MCM8: variants seen among roughly 807,000 people sequenced by gnomAD.
MCM8 encodes the protein DNA helicase MCM8.
MCM8 carries 85 observed loss-of-function variants against 98.9 expected under a neutral mutation model. The ratio of observed to expected loss-of-function variants is 0.86; its 90% CI spans 0.72 to 1.03. The LOEUF (loss-of-function observed/expected upper bound fraction) is 1.03, where lower values mean the gene tolerates loss of function less well. MCM8 is among the 50% of genes least tolerant of loss of function. MCM8 has a pLI of 0.00. For synonymous variants in MCM8, 352 were observed against 338.6 expected (o/e 1.04, Z -0.44); for missense variants, 951 against 997.8 (o/e 0.95, Z 0.63).
intron 15 of MCM8, 28 bp from the exon 16 acceptor site, chr20:5,985,894 T>C (rs2122810202): frequency 6.2e-7 from 1 of 1,606,220 alleles, no homozygotes; most frequent in African/African-American, 1.3e-5. Flanking sequence ...TTATCCTTGT[T>C]ATCTTGGGCC....
At chr20:5,972,992 C>A (rs2089436723) in intron 11 of MCM8, 64 bp from the exon 12 acceptor site, 22 of 1,548,750 alleles carry the variant, frequency 1.4e-5, no homozygotes, top group South Asian at 3.5e-5. Context: ...GGAGGAATAC[C>A]CCCTTTACTA....
intron 12 of MCM8, among the ~76,000 whole-genome samples, chr20:5,973,766 T>C (rs2089453551): frequency 6.6e-6 from 1 of 152,154 alleles, no homozygotes; most frequent in African/African-American, 2.4e-5. Flanking sequence ...GCAATCCCTG[T>C]GCCTCAGCCT....
intron 7 of MCM8, 26 bp from the exon 8 acceptor site, chr20:5,963,248 A>G: frequency 1.9e-6 from 3 of 1,543,802 alleles, no homozygotes; most frequent in East Asian, 4.5e-5. Context: ...CAAAATCTGA[A>G]TGTGAATTAC....
rs192001258 is a variant in MCM8 at position 5,989,246 on chromosome 20, A to T, written c.2240+1888A>T. 2.0e-5 allele frequency among the ~76,000 whole-genome samples: 3 copies of T among 150,214 alleles called. No individual in the cohort carries two copies. The East Asian group carries it at 5.9e-4, about 30-fold the overall frequency. ...ATTCTCCTGCCTGAGCCTCCCATGT[A>T]GCTGGGACTACAGGTGCATGCCACC... On this transcript the variant is annotated intron_variant, in intron 17 of 18. Transcript: ENST00000610722.
At chr20:5,955,972 T>A (rs937665918) in intron 5 of MCM8, among the ~76,000 whole-genome samples, 4 of 152,036 alleles carry the variant, frequency 2.6e-5, no homozygotes, top group Admixed American at 2.0e-4. Flanking sequence ...TTTCACGATG[T>A]TGGCCAGGAT....
chr20:5,984,705 A>C, intron 14 of MCM8, 76 bp from the exon 15 acceptor site: 2 of 1,234,380 alleles, frequency 1.6e-6, no homozygotes, highest in Non-Finnish European at 1.2e-6. Context: ...TTGAGTAGTA[A>C]ATAAGTGAGT....
intron 13 of MCM8, among the ~76,000 whole-genome samples, chr20:5,980,150 A>G (rs758714310): frequency 4.6e-5 from 7 of 152,090 alleles, no homozygotes; most frequent in South Asian, 4.2e-4. Flanking sequence ...TCTTCCCTAA[A>G]TACCGTATTT....
At chr20:5,960,706 CG>C (rs1241208071) in intron 7 of MCM8, among the ~76,000 whole-genome samples, 1 of 151,988 alleles carries the variant, frequency 6.6e-6, no homozygotes, top group African/African-American at 2.4e-5. Flanking sequence ...GAGGCCGAGG[CG>C]GGCAGATCAC....
At chr20:5,961,687 T>G (rs2089146875) in intron 7 of MCM8, among the ~76,000 whole-genome samples, 2 of 152,250 alleles carry the variant, frequency 1.3e-5, no homozygotes, top group Non-Finnish European at 2.9e-5. Context: ...TCACCCAGGC[T>G]GGAGTGCAGG....
intron 3 of MCM8, among the ~76,000 whole-genome samples, chr20:5,953,189 G>T (rs139821751): frequency 2.0e-5 from 3 of 152,266 alleles, no homozygotes; most frequent in African/African-American, 7.2e-5. Flanking sequence ...GCCTTCAATT[G>T]GCAGAATTTA....
chr20:5,987,323 A>C lies in MCM8; in HGVS notation c.2205A>C (p.Glu735Asp), dbSNP rs2089754111. 1 of 1,613,470 alleles carries C rather than the reference A, an allele frequency of 6.2e-7. No homozygotes were observed. Among genetic ancestry groups the C allele is most frequent in the East Asian group, 2.2e-5 (1 of 44,832 alleles). The stretch of plus-strand genomic sequence containing the variant: ...AATTGAGAGAGGAAGCAACCAAAGA[A>C]GACGCTGAGGATATAGTGGAAATTA... Reference protein sequence around the residue: ...RLELREEATKEDAEDIVEIMK... With the variant: ...RLELREEATKDDAEDIVEIMK... The change falls in exon 17 of 19, where the codon GAA (glutamate) becomes GAC (aspartate). Residue 735 changes from glutamate (E) to aspartate (D), a missense_variant. By Grantham distance (45) the Glu-to-Asp change is conservative. Transcript: ENST00000610722.
At chr20:5,967,713 T>G in intron 9 of MCM8, 117 bp from the exon 10 acceptor site, 2 of 1,364,440 alleles carry the variant, frequency 1.5e-6, no homozygotes, top group Non-Finnish European at 2.0e-6. Context: ...GATGAAACAT[T>G]CCCTTTTAAA....
chr20:5,951,667 A>G (rs1413283135), intron 1 of MCM8, among the ~76,000 whole-genome samples: 1 of 152,224 alleles, frequency 6.6e-6, no homozygotes, highest in Admixed American at 6.5e-5. Flanking sequence ...AAATACTGCA[A>G]ATAAGTTTTC....
chr20:5,978,039 T>G, intron 13 of MCM8, 22 bp downstream of exon 13: 1 of 1,613,358 alleles, frequency 6.2e-7, no homozygotes, highest in Non-Finnish European at 8.5e-7. Context: ...AAGGGAATAA[T>G]TAGTGATTCT....
At chr20:5,963,854 A>G (rs1044340649) in intron 8 of MCM8, among the ~76,000 whole-genome samples, 30 of 152,256 alleles carry the variant, frequency 2.0e-4, no homozygotes, top group African/African-American at 7.2e-4. Flanking sequence ...TTTATTTGAA[A>G]TTTATTCTCT....
intron 17 of MCM8, chr20:5,991,616 A>G (rs370487524): frequency 6.6e-6 from 1 of 152,234 alleles, no homozygotes; most frequent in African/African-American, 2.4e-5. Flanking sequence ...ACCTGACACT[A>G]TGTTCATGGT....
Position 5,962,352 on chromosome 20 carries a change from CTTTTTTTTTTTTTTTTTTTTT to C in MCM8, c.790-909_790-889del, listed in dbSNP as rs926577182. 1.4e-3 allele frequency among the ~76,000 whole-genome samples: 56 copies of C among 40,572 alleles called. 10 individuals carry two copies. The South Asian group carries it at 0.055, about 40-fold the overall frequency. 26.6% of individuals were successfully genotyped at this position (40,572 alleles called of 152,430 possible). A position where few individuals can be genotyped will look rare whatever the true frequency, so the allele number is the denominator to read the frequency against. Reference sequence around the variant, plus strand: ...CAGGAGAAGGAATTAGCCTTCATTTCTTTTTTTTTTTTTTTTTTTTTTTTTTTTTTTTTGAGACGGAGTCTC... The same window carrying C: ...CAGGAGAAGGAATTAGCCTTCATTTCTTTTTTTTTTTTGAGACGGAGTCTC... On this transcript the variant is annotated intron_variant, in intron 7 of 18. Coordinates refer to ENST00000610722, the MANE Select transcript of MCM8 (RefSeq NM_032485.6).
At chr20:5,961,810 CAT>C (rs545222399) in intron 7 of MCM8, among the ~76,000 whole-genome samples, 29 of 152,256 alleles carry the variant, frequency 1.9e-4, no homozygotes, top group East Asian at 1.2e-3. Flanking sequence ...AGCATTGACT[CAT>C]GTGTGATGTC....
In MCM8 at chr20:5,983,644, G is replaced by T. The variant is rs541384791; in HGVS notation, c.1733+479G>T. ...GAACCTGGGAGGTGGAGGTTGCAGT[G>T]AGCCGAGATTGTGCCACCACACTCC... On this transcript the variant is annotated intron_variant, in intron 14 of 18. Transcript: ENST00000610722. Among the ~76,000 whole-genome samples, 29 of 152,208 alleles carry T rather than the reference G, an allele frequency of 1.9e-4. 1 individual carries two copies. The South Asian group carries it at 5.8e-3, about 30-fold the overall frequency.
Sources: gnomAD v4.1 joint callset for allele counts (sites outside exome capture counted in the v4.1 genomes callset) on GRCh38, gnomAD v4.1.1 for gene constraint, MANE v1.5 for transcripts, NCBI Gene and HGNC (gene_info 2026-07-23, HGNC 2026-07-21) for gene names.